Variants in EPS8 observed in about 807,000 individuals in gnomAD.
EPS8 encodes the protein EGFR pathway substrate 8, signaling adaptor.
EPS8 carries 42 observed loss-of-function variants against 103.8 expected under a neutral mutation model. The ratio of observed to expected loss-of-function variants is 0.40; its 90% confidence interval spans 0.32 to 0.52. The LOEUF is 0.52. Among genes scored for constraint, EPS8 ranks in the 20% least tolerant of loss-of-function variants. EPS8 has a pLI of 0.40. For missense variants in EPS8, 969 were observed against 1,005.1 expected (o/e 0.96, Z 0.49); for synonymous variants, 344 against 344.6 (o/e 1.00, Z 0.02).
intron 1 of EPS8, among the ~76,000 whole-genome samples, chr12:15,718,350 A>G (rs1245064084): frequency 1.3e-5 from 2 of 152,232 alleles, no homozygotes; most frequent in African/African-American, 4.8e-5. Flanking sequence ...AAATAACCAA[A>G]TAGTCACAAA....
rs1947240582 is a variant in EPS8, at chr12:15,779,658, G to A, written c.-22+9503C>T. On this transcript the variant is annotated intron_variant, in intron 1 of 20. Coordinates refer to ENST00000281172, the MANE Select transcript of EPS8 (RefSeq NM_004447.6). This position sits in a 1 kb window ranked among gnomAD's most constrained non-coding sequence, Gnocchi z 4.3. Reference sequence around the variant, plus strand: ...AGATAATTCAACAGCCCTCAATAAGGGACTTGAAAAATGTTTCTCCCTCAT... The same window carrying A: ...AGATAATTCAACAGCCCTCAATAAGAGACTTGAAAAATGTTTCTCCCTCAT... 1.3e-5 allele frequency among the ~76,000 whole-genome samples: 2 copies of A among 152,044 alleles called. No individual in the cohort carries two copies. Among genetic ancestry groups the A allele is most frequent in the East Asian group, 3.9e-4 (2 of 5,176 alleles).
chr12:15,762,787 G>T lies in EPS8; in HGVS notation c.-22+26374C>A, dbSNP rs1248683108. On this transcript the variant is annotated intron_variant, in intron 1 of 20. Transcript: ENST00000281172. The surrounding 1 kb of genome is among the most constrained non-coding windows in gnomAD (Gnocchi z 4.8). The stretch of plus-strand genomic sequence containing the variant: ...TACCAGAGGCTGGGAAGGTGAAGTG[G>T]GGATATGGTTAATGAGTATTAAAAA... Among the ~76,000 whole-genome samples, 1 of 152,026 alleles carries T rather than the reference G, an allele frequency of 6.6e-6. No individual in the cohort carries two copies. Among genetic ancestry groups the T allele is most frequent in the Non-Finnish European group, 1.5e-5 (1 of 67,968 alleles).
In EPS8 at chr12:15,735,325, T is replaced by A. The variant is rs1011925628; in HGVS notation, c.-21-52353A>T. 1.3e-5 allele frequency among the ~76,000 whole-genome samples: 2 copies of A among 152,228 alleles called. No homozygotes were observed. The highest frequency in any genetic ancestry group is 4.8e-5 in the African/African-American group (2 of 41,458). On this transcript the variant is annotated intron_variant, in intron 1 of 20. Transcript: ENST00000281172. This position sits in a 1 kb window ranked among gnomAD's most constrained non-coding sequence, Gnocchi z 4.4. ...AGTTGCTTTTGCTTAAGAAATATAT[T>A]TCATTCTTCCCTATACTTTTTTGCT...
chr12:15,776,495 G>A lies in EPS8; in HGVS notation c.-22+12666C>T, dbSNP rs978786443. Among the ~76,000 whole-genome samples, 2 of 152,120 alleles carry A rather than the reference G, an allele frequency of 1.3e-5. No individual in the cohort carries two copies. Among genetic ancestry groups the A allele is most frequent in the Non-Finnish European group, 2.9e-5 (2 of 68,024 alleles). ...TAGATTGGCCTCTATGCATCAGCAA[G>A]CATTTGTTACACCTAATACCCAAAA... On this transcript the variant is annotated intron_variant, in intron 1 of 20. Transcript: ENST00000281172. The surrounding 1 kb of genome is among the most constrained non-coding windows in gnomAD (Gnocchi z 4.2).
At chr12:15,737,736 C>T (rs540152673) in intron 1 of EPS8, among the ~76,000 whole-genome samples, 35 of 152,118 alleles carry the variant, frequency 2.3e-4, no homozygotes, top group Non-Finnish European at 4.3e-4. Context: ...CTTAATGATG[C>T]TACTGTGTTG....
chr12:15,694,526 C>T (rs971535152), intron 1 of EPS8, among the ~76,000 whole-genome samples: 1 of 151,854 alleles, frequency 6.6e-6, no homozygotes, highest in Non-Finnish European at 1.5e-5. Flanking sequence ...CTAAATAAAA[C>T]CTGGAATTCA....
Position 15,735,020 on chromosome 12 carries a change from G to T in EPS8, c.-21-52048C>A, listed in dbSNP as rs184387251. On this transcript the variant is annotated intron_variant, in intron 1 of 20. Coordinates refer to ENST00000281172, the MANE Select transcript of EPS8 (RefSeq NM_004447.6). The surrounding 1 kb of genome is among the most constrained non-coding windows in gnomAD (Gnocchi z 4.4). ...AGCCCAGGTATTGACAGGGAGCTCC[G>T]AATGCCTAGCCTGGAACCCTCACCA... Among the ~76,000 whole-genome samples, 1 of 151,916 alleles carries T rather than the reference G, an allele frequency of 6.6e-6. No individual in the cohort carries two copies. The highest frequency in any genetic ancestry group is 1.5e-5 in the Non-Finnish European group (1 of 68,014).
intron 15 of EPS8, among the ~76,000 whole-genome samples, chr12:15,644,466 G>A (rs977132172): frequency 2.0e-5 from 3 of 152,104 alleles, no homozygotes; most frequent in East Asian, 1.9e-4. Context: ...AGGCCGAAGC[G>A]GGCAGATCAC....
chr12:15,647,294 C>A (rs1945336804), intron 14 of EPS8, 34 bp from the exon 15 acceptor site: 1 of 1,589,156 alleles, frequency 6.3e-7, no homozygotes, highest in Non-Finnish European at 8.6e-7. Flanking sequence ...TAAAGAATCA[C>A]CAAATACTAT....
At chr12:15,677,097 A>G (rs1448344402) in intron 3 of EPS8, among the ~76,000 whole-genome samples, 1 of 152,196 alleles carries the variant, frequency 6.6e-6, no homozygotes, top group Non-Finnish European at 1.5e-5. Context: ...ATTGTCTAAC[A>G]TCATTTGGAG....
At position 15,777,278 on chromosome 12, in the gene EPS8, A is replaced by ACAC. The variant is rs1555132062; in HGVS notation, c.-22+11882_-22+11883insGTG. Among the ~76,000 whole-genome samples the ACAC allele has an allele frequency of 6.6e-6, 1 of 151,576 alleles. No individual in the cohort carries two copies. Among genetic ancestry groups the ACAC allele is most frequent in the East Asian group, 1.9e-4 (1 of 5,170 alleles). On this transcript the variant is annotated intron_variant, in intron 1 of 20. Transcript: ENST00000281172. The surrounding 1 kb of genome is among the most constrained non-coding windows in gnomAD (Gnocchi z 4.7). ...GTACTTACAAAGCAGAATGAAAAAA[A>ACAC]ACACACACACACACACAAAACAAAA... is the stretch of plus-strand genomic sequence containing the variant.
Position 15,771,848 on chromosome 12 carries a change from G to A in EPS8, c.-22+17313C>T, listed in dbSNP as rs117526914. The stretch of plus-strand genomic sequence containing the variant: ...CAATACAAAAGAAAGGGGAAGGCCG[G>A]GGGCGGTGGCTCATGCCTGTAATCA... On this transcript the variant is annotated intron_variant, in intron 1 of 20. Transcript: ENST00000281172. The surrounding 1 kb of genome is among the most constrained non-coding windows in gnomAD (Gnocchi z 4.6). 1.1e-3 allele frequency among the ~76,000 whole-genome samples: 173 copies of A among 152,296 alleles called. 2 individuals carry two copies. In the East Asian group the frequency reaches 0.031, roughly 27 times the overall value.
intron 13 of EPS8, among the ~76,000 whole-genome samples, chr12:15,653,252 C>G (rs760775493): frequency 6.6e-6 from 1 of 152,196 alleles, no homozygotes; most frequent in Non-Finnish European, 1.5e-5. Flanking sequence ...TTTCTAGCCT[C>G]AACTACCAGA....
At chr12:15,722,792 A>T (rs1946611157) in intron 1 of EPS8, among the ~76,000 whole-genome samples, 1 of 151,986 alleles carries the variant, frequency 6.6e-6, no homozygotes, top group Non-Finnish European at 1.5e-5. Context: ...GTTCCTTCTC[A>T]CCTCTTTTAA....
intron 1 of EPS8, among the ~76,000 whole-genome samples, chr12:15,753,606 G>T (rs1946955769): frequency 1.3e-5 from 2 of 152,218 alleles, no homozygotes; most frequent in South Asian, 4.1e-4. Context: ...GTTACAAAGT[G>T]GCTAAAAGAT....
intron 1 of EPS8, among the ~76,000 whole-genome samples, chr12:15,788,751 G>A (rs1017304631): frequency 1.3e-5 from 2 of 152,318 alleles, no homozygotes; most frequent in Admixed American, 1.3e-4. Context: ...ATTTGAGGCG[G>A]GTTGGCAGAG....
chr12:15,719,457 T>C (rs560491417), intron 1 of EPS8, among the ~76,000 whole-genome samples: 1 of 152,164 alleles, frequency 6.6e-6, no homozygotes, highest in African/African-American at 2.4e-5. Flanking sequence ...ATAGGAGTGA[T>C]AGAAAGGGCT....
Position 15,643,740 on chromosome 12 carries a change from G to GA in EPS8, c.1569-1911dup, listed in dbSNP as rs56952348. Among the ~76,000 whole-genome samples, 317 of 76,930 alleles carry GA rather than the reference G, an allele frequency of 4.1e-3. 7 individuals carry two copies. In the East Asian group the frequency reaches 0.049, roughly 12 times the overall value. The allele number at this position is 76,930 out of a possible 152,430, so 50.5% of individuals were successfully genotyped here. ...GGCGACAAGAGCAAAACTCTGTCTC[G>GA]AAAAAAAAAAAAAAAAAAAAAAGAG... On this transcript the variant is annotated intron_variant, in intron 15 of 20. Coordinates refer to ENST00000281172, the MANE Select transcript of EPS8 (RefSeq NM_004447.6).
intron 1 of EPS8, among the ~76,000 whole-genome samples, chr12:15,774,169 G>A (rs559363078): frequency 6.6e-6 from 1 of 151,850 alleles, no homozygotes; most frequent in South Asian, 2.1e-4. Context: ...AAGATTCTCT[G>A]GTAATGGTTT....
Sources: allele counts gnomAD v4.1 joint callset (sites outside exome capture counted in the v4.1 genomes callset), GRCh38; gene constraint gnomAD v4.1.1; non-coding constraint Gnocchi (gnomAD v3.1); transcripts MANE v1.5; gene names NCBI Gene and HGNC (gene_info 2026-07-23, HGNC 2026-07-21).